Variants in CACNA2D3 observed in about 807,000 individuals in gnomAD.
CACNA2D3 encodes calcium voltage-gated channel auxiliary subunit alpha2delta 3, also known as voltage-dependent calcium channel subunit alpha-2/delta-3.
Under a neutral mutation model 160.6 loss-of-function variants are expected in CACNA2D3, and 60 were observed. That is an observed-to-expected ratio of 0.37 (90% CI 0.30 to 0.46). The LOEUF (loss-of-function observed/expected upper bound fraction) is 0.46, where lower values mean the gene tolerates loss of function less well. CACNA2D3 is among the 20% of genes least tolerant of loss of function. The probability of loss-of-function intolerance (pLI) is 1.00; values close to 1 mark genes in which losing one functional copy is unlikely to be tolerated. For missense variants in CACNA2D3, 1,205 were observed against 1,365.0 expected (o/e 0.88, Z 1.85); for synonymous variants, 558 against 492.9 (o/e 1.13, Z -1.75).
chr3:54,165,562 T>G (rs114292211), intron 2 of CACNA2D3, among the ~76,000 whole-genome samples: 252 of 147,746 alleles, frequency 1.7e-3, no homozygotes, highest in African/African-American at 6.2e-3. Flanking sequence ...CAGTGGCTCA[T>G]GCCTGTAATT....
chr3:55,001,736 G>A (rs764875076), intron 31 of CACNA2D3, among the ~76,000 whole-genome samples: 6 of 152,160 alleles, frequency 3.9e-5, no homozygotes, highest in African/African-American at 9.7e-5. Context: ...TCTTAACAAC[G>A]TTGGCACACT....
intron 11 of CACNA2D3, among the ~76,000 whole-genome samples, chr3:54,669,327 T>C (rs1700119560): frequency 1.3e-5 from 2 of 152,214 alleles, no homozygotes; most frequent in African/African-American, 4.8e-5. Flanking sequence ...AGGAGCATTG[T>C]GTAAAGGAAT....
At chr3:54,304,720 A>G (rs1703557357) in intron 2 of CACNA2D3, among the ~76,000 whole-genome samples, 1 of 152,174 alleles carries the variant, frequency 6.6e-6, no homozygotes, top group South Asian at 2.1e-4. Context: ...GACATGGGCT[A>G]TCGAATGAGC....
chr3:55,004,265 C>T (rs1703040756), intron 31 of CACNA2D3, among the ~76,000 whole-genome samples: 1 of 152,140 alleles, frequency 6.6e-6, no homozygotes, highest in African/African-American at 2.4e-5. Flanking sequence ...AGCTGGTTTC[C>T]TACACTTTGT....
Position 54,122,733 on chromosome 3 carries a change from C to T in CACNA2D3, c.20C>T (p.Pro7Leu), listed in dbSNP as rs1482744767. Residue 7 changes from proline (P) to leucine (L), a missense_variant, in exon 1 of 38, where the codon CCG (proline) becomes CTG (leucine). Physicochemically the swap from Pro to Leu is moderately conservative, Grantham distance 98 (BLOSUM62 -3). This residue lies in a region of CACNA2D3 where 163 missense variants were observed against 161.3 expected (regional missense o/e 1.01). Coordinates refer to ENST00000474759, the MANE Select transcript of CACNA2D3 (RefSeq NM_018398.3). ...CCCAGCATGGCCGGGCCGGGCTCGC[C>T]GCGCCGCGCGTCCCGGGGGGCCTCG... MAGPGS[P>L]RRASRGASAL... The T allele has an allele frequency of 6.6e-6, 8 of 1,210,730 alleles. No homozygotes were observed. The highest frequency in any genetic ancestry group is 1.6e-5 in the African/African-American group (1 of 63,104). The allele number at this position is 1,210,730 out of a possible 1,614,324, so 75.0% of individuals were successfully genotyped here. A position where few individuals can be genotyped will look rare whatever the true frequency, so the allele number is the denominator to read the frequency against.
chr3:54,406,397 T>G (rs761758430), intron 4 of CACNA2D3, among the ~76,000 whole-genome samples: 3 of 152,138 alleles, frequency 2.0e-5, no homozygotes, highest in Non-Finnish European at 4.4e-5. Flanking sequence ...TATTTCAGAT[T>G]GAAGAATACT....
Position 54,350,988 on chromosome 3 carries a change from T to TG in CACNA2D3, c.321+30430_321+30431insG, listed in dbSNP as rs1559457841. On this transcript the variant is annotated intron_variant, in intron 3 of 37. Transcript: ENST00000474759. ...AGTCTGTTTTTTTTTTTTTGTTTGTTTTTTTTTTTTTTTTTTTTGAGACAG... is the reference window on the plus strand; with the variant it reads ...AGTCTGTTTTTTTTTTTTTGTTTGTTGTTTTTTTTTTTTTTTTTTGAGACAG... 1.8e-4 allele frequency among the ~76,000 whole-genome samples: 15 copies of TG among 84,494 alleles called. 1 individual carries two copies. Among genetic ancestry groups the TG allele is most frequent in the African/African-American group, 6.0e-4 (10 of 16,742 alleles). The allele number at this position is 84,494 out of a possible 152,430, so 55.4% of individuals were successfully genotyped here.
At chr3:55,031,437 G>A (rs191551914) in intron 35 of CACNA2D3, among the ~76,000 whole-genome samples, 27 of 152,292 alleles carry the variant, frequency 1.8e-4, no homozygotes, top group African/African-American at 5.5e-4. Context: ...GAGCTCAAAG[G>A]ATCAAAGCAG....
chr3:54,456,610 A>G (rs80232571), intron 4 of CACNA2D3, among the ~76,000 whole-genome samples: 476 of 151,930 alleles, frequency 3.1e-3, no homozygotes, highest in Non-Finnish European at 5.9e-3. Flanking sequence ...GTAACAGGGT[A>G]ATGTTGGCCT....
intron 4 of CACNA2D3, among the ~76,000 whole-genome samples, chr3:54,475,209 T>G (rs970220908): frequency 6.6e-6 from 1 of 152,130 alleles, no homozygotes; most frequent in South Asian, 2.1e-4. Context: ...GCTGGTGAAT[T>G]CTCTACCACC....
chr3:54,522,933 T>TTTATTTATTTATTTACTTAC (rs1252705201), intron 5 of CACNA2D3, among the ~76,000 whole-genome samples: 4 of 135,344 alleles, frequency 3.0e-5, no homozygotes, highest in African/African-American at 1.1e-4. Context: ...TATTTATTTA[T>TTTATTTATTTATTTACTTAC]TTACTTACTT....
intron 6 of CACNA2D3, among the ~76,000 whole-genome samples, chr3:54,564,423 C>T (rs1383883233): frequency 6.6e-6 from 1 of 152,162 alleles, no homozygotes; most frequent in Non-Finnish European, 1.5e-5. Context: ...TGCATAATTT[C>T]TGTGTTAGTA....
Position 55,074,256 on chromosome 3 carries a change from A to AAATCATGGATAAACTGTGAACC in CACNA2D3, c.*53_*74dup, listed in dbSNP as rs1704897262. 1 of 1,459,808 alleles carries AAATCATGGATAAACTGTGAACC rather than the reference A, an allele frequency of 6.9e-7. No individual in the cohort carries two copies. The highest frequency in any genetic ancestry group is 9.6e-7 in the Non-Finnish European group (1 of 1,038,614). 90.4% of individuals were successfully genotyped at this position (1,459,808 alleles called of 1,614,324 possible). On this transcript the variant is annotated 3_prime_UTR_variant, in exon 38 of 38. Transcript: ENST00000474759. ...GACTGAGATGTTCTCTTGGCATGCT[A>AAATCATGGATAAACTGTGAACC]AATCATGGATAAACTGTGAACCAAA...
At chr3:54,999,395 C>G (rs1702931966) in intron 31 of CACNA2D3, among the ~76,000 whole-genome samples, 1 of 152,074 alleles carries the variant, frequency 6.6e-6, no homozygotes. Flanking sequence ...TGAAAGCTGC[C>G]CCCAGAGGAC....
intron 31 of CACNA2D3, among the ~76,000 whole-genome samples, chr3:55,004,268 C>T (rs1703040824): frequency 6.6e-6 from 1 of 152,180 alleles, no homozygotes; most frequent in African/African-American, 2.4e-5. Context: ...TGGTTTCCTA[C>T]ACTTTGTCAA....
At chr3:54,556,914 T>G (rs867944045) in intron 5 of CACNA2D3, among the ~76,000 whole-genome samples, 4 of 152,186 alleles carry the variant, frequency 2.6e-5, no homozygotes, top group Admixed American at 6.5e-5. Flanking sequence ...TGGACAGCAT[T>G]TACTGTCCCG....
intron 29 of CACNA2D3, among the ~76,000 whole-genome samples, chr3:54,982,196 TAACATTC>T (rs1702523010): frequency 6.6e-6 from 1 of 152,116 alleles, no homozygotes; most frequent in Non-Finnish European, 1.5e-5. Flanking sequence ...GAATAGTAGT[TAACATTC>T]CATAGTGCCA....
At chr3:54,667,228 A>ATT (rs34909822) in intron 11 of CACNA2D3, among the ~76,000 whole-genome samples, 31 of 151,842 alleles carry the variant, frequency 2.0e-4, no homozygotes, top group African/African-American at 5.8e-4. Flanking sequence ...ACCTTGAACT[A>ATT]TTTTTTTTCA....
intron 29 of CACNA2D3, among the ~76,000 whole-genome samples, chr3:54,981,497 A>AGG (rs1490289286): frequency 6.6e-6 from 1 of 152,070 alleles, no homozygotes; most frequent in Non-Finnish European, 1.5e-5. Context: ...ATTGGGAGCG[A>AGG]GGGGGAGAGA....
Sources: gnomAD v4.1 joint callset for allele counts (sites outside exome capture counted in the v4.1 genomes callset) on GRCh38, gnomAD v4.1.1 for gene constraint, gnomAD v4.1.1 regional missense constraint, MANE v1.5 for transcripts, NCBI Gene and HGNC (gene_info 2026-07-23, HGNC 2026-07-21) for gene names.